MTCL2: variants seen among roughly 807,000 people sequenced by gnomAD.
MTCL2 encodes microtubule cross-linking factor 2.
chr20:36,777,971 T>G, the MTCL2 span: 2 of 546,020 alleles, frequency 3.7e-6, no homozygotes, highest in Non-Finnish European at 6.5e-6. Flanking sequence ...GAAGAGGCGC[T>G]ATCTGGCCTA....
At chr20:36,863,164 C>T in the MTCL2 span, 4 of 1,356,892 alleles carry the variant, frequency 2.9e-6, no homozygotes, top group Non-Finnish European at 3.8e-6. The surrounding 1 kb of genome is among the most constrained non-coding windows in gnomAD (Gnocchi z 6.2). Context: ...GCGCTGCAGG[C>T]GACTGCTGAG....
chr20:36,816,397 G>T, the MTCL2 span: 1 of 1,111,526 alleles, frequency 9.0e-7, no homozygotes, highest in Non-Finnish European at 1.3e-6. Flanking sequence ...CTATGTGCTG[G>T]GAACACAGGG....
the MTCL2 span, among the ~76,000 whole-genome samples, chr20:36,854,822 G>A: frequency 6.6e-6 from 1 of 152,182 alleles, no homozygotes; most frequent in African/African-American, 2.4e-5. Flanking sequence ...GAGAATGAGG[G>A]GCCGCCAAAG....
At chr20:36,859,162 A>G in the MTCL2 span, among the ~76,000 whole-genome samples, 1 of 152,230 alleles carries the variant, frequency 6.6e-6, no homozygotes, top group Non-Finnish European at 1.5e-5. Context: ...ATGGCCACAC[A>G]GTAAACGGGA....
chr20:36,830,923 T>C, the MTCL2 span, among the ~76,000 whole-genome samples: 2 of 152,126 alleles, frequency 1.3e-5, no homozygotes, highest in Non-Finnish European at 2.9e-5. Context: ...CCCTGAGACC[T>C]ATATCTAGTT....
chr20:36,790,148 C>A, the MTCL2 span, among the ~76,000 whole-genome samples: 3 of 151,900 alleles, frequency 2.0e-5, no homozygotes, highest in Non-Finnish European at 4.4e-5. Context: ...CCTGCCACCA[C>A]GCCTGGCTAA....
chr20:36,862,593 C>G, the MTCL2 span: 1 of 1,397,534 alleles, frequency 7.2e-7, no homozygotes, highest in Non-Finnish European at 9.4e-7. Context: ...GCTGGTGCCT[C>G]AGGCCCGCGG....
the MTCL2 span, chr20:36,829,038 T>C: frequency 6.5e-7 from 1 of 1,534,816 alleles, no homozygotes; most frequent in African/African-American, 1.4e-5. Flanking sequence ...CCCTGCTGGA[T>C]GCATGAGGTC....
chr20:36,807,487 C>G, the MTCL2 span, among the ~76,000 whole-genome samples: 2 of 152,150 alleles, frequency 1.3e-5, no homozygotes, highest in African/African-American at 4.8e-5. Flanking sequence ...TGAGTGTGAC[C>G]AAGGTCTGAC....
At chr20:36,838,667 CAATAA>C in the MTCL2 span, among the ~76,000 whole-genome samples, 1 of 151,620 alleles carries the variant, frequency 6.6e-6, no homozygotes, top group Non-Finnish European at 1.5e-5. Context: ...GGTTGATACT[CAATAA>C]ACAGTAGCTT....
chr20:36,853,784 C>T, the MTCL2 span, among the ~76,000 whole-genome samples: 2 of 151,684 alleles, frequency 1.3e-5, no homozygotes, highest in Non-Finnish European at 2.9e-5. Flanking sequence ...ACCAAGGCCA[C>T]ATCTGGCTTG....
the MTCL2 span, chr20:36,778,049 C>A: frequency 2.2e-6 from 1 of 464,244 alleles, no homozygotes; most frequent in Non-Finnish European, 3.8e-6. Context: ...CTCCCACCCC[C>A]TCCCTGGCTG....
At chr20:36,848,337 C>T in the MTCL2 span, among the ~76,000 whole-genome samples, 1 of 152,224 alleles carries the variant, frequency 6.6e-6, no homozygotes, top group Non-Finnish European at 1.5e-5. Flanking sequence ...AGGAAGCAGC[C>T]TCTCAAAGGC....
chr20:36,830,179 C>T, the MTCL2 span, among the ~76,000 whole-genome samples: 1 of 151,922 alleles, frequency 6.6e-6, no homozygotes, highest in African/African-American at 2.4e-5. Context: ...CCACCACTTG[C>T]CCAGTCCTCA....
the MTCL2 span, chr20:36,779,111 G>A: frequency 6.6e-6 from 1 of 151,648 alleles, no homozygotes. Flanking sequence ...GCATTGGAGA[G>A]AAGCCCTGAG....
chr20:36,829,151 G>A, the MTCL2 span: 35 of 1,605,998 alleles, frequency 2.2e-5, no homozygotes, highest in Middle Eastern at 1.7e-4. Flanking sequence ...CTCCAGCCGC[G>A]CCCGTTTCTT....
chr20:36,855,429 C>T, the MTCL2 span, among the ~76,000 whole-genome samples: 2 of 152,228 alleles, frequency 1.3e-5, no homozygotes, highest in Admixed American at 6.5e-5. Flanking sequence ...GCCTCACTAC[C>T]GCAAAGCAGG....
At chr20:36,798,510 T>C in the MTCL2 span, among the ~76,000 whole-genome samples, 1 of 152,226 alleles carries the variant, frequency 6.6e-6, no homozygotes, top group Non-Finnish European at 1.5e-5. Context: ...CTTCCCATTG[T>C]TGGTGGCTCC....
At chr20:36,817,342 G>C in the MTCL2 span, 2 of 1,414,742 alleles carry the variant, frequency 1.4e-6, no homozygotes, top group Non-Finnish European at 9.6e-7. Context: ...GGGATCCCCA[G>C]GCCACTTAGA....
Sources: gnomAD v4.1 joint callset for allele counts (sites outside exome capture counted in the v4.1 genomes callset) on GRCh38, gnomAD v4.1.1 for gene constraint, Gnocchi (gnomAD v3.1) non-coding constraint, MANE v1.5 for transcripts, NCBI Gene and HGNC (gene_info 2026-07-23, HGNC 2026-07-21) for gene names.